DCLK2: variants seen among roughly 807,000 people sequenced by gnomAD.
DCLK2 encodes doublecortin like kinase 2, also known as serine/threonine-protein kinase DCLK2.
Under a neutral mutation model 78.4 loss-of-function variants are expected in DCLK2, and 31 were observed. That is an observed-to-expected ratio of 0.40 (90% CI 0.30 to 0.53). The LOEUF (loss-of-function observed/expected upper bound fraction) is 0.53, where lower values mean the gene tolerates loss of function less well. DCLK2 is among the 20% of genes least tolerant of loss of function. The pLI, the probability that DCLK2 is intolerant of heterozygous loss-of-function variation, is 0.61. For missense variants in DCLK2, 872 were observed against 973.7 expected, an observed-to-expected ratio of 0.90 and a Z score of 1.39; for synonymous variants, 407 against 374.9, an observed-to-expected ratio of 1.09 and a Z score of -0.99.
intron 2 of DCLK2, among the ~76,000 whole-genome samples, chr4:150,150,048 A>G (rs1734780248): frequency 6.6e-6 from 1 of 152,230 alleles, no homozygotes; most frequent in South Asian, 2.1e-4. Context: ...CTGACTTCTT[A>G]AAAATGGAGG....
chr4:150,201,306 G>A (rs920803265), intron 4 of DCLK2, among the ~76,000 whole-genome samples: 1 of 152,138 alleles, frequency 6.6e-6, no homozygotes, highest in Non-Finnish European at 1.5e-5. Flanking sequence ...GGCTGGCGGA[G>A]GCATACCTTC....
chr4:150,093,576 T>TTTGCCATG (rs556525557), intron 1 of DCLK2, among the ~76,000 whole-genome samples: 2 of 152,290 alleles, frequency 1.3e-5, no homozygotes, highest in South Asian at 4.1e-4. Context: ...GAGACAGAGT[T>TTTGCCATG]TTGCCATGTT....
At chr4:150,244,591 G>A (rs1176383451) in intron 12 of DCLK2, among the ~76,000 whole-genome samples, 1 of 152,168 alleles carries the variant, frequency 6.6e-6, no homozygotes, top group African/African-American at 2.4e-5. Flanking sequence ...TGGTCCAAAG[G>A]CTATATTGTT....
intron 2 of DCLK2, among the ~76,000 whole-genome samples, chr4:150,113,244 A>T (rs1040136079): frequency 1.3e-5 from 2 of 152,182 alleles, no homozygotes; most frequent in African/African-American, 4.8e-5. Context: ...GTATCAGGCT[A>T]GTACTGGGTT....
At chr4:150,214,338 T>C (rs554884589) in intron 5 of DCLK2, among the ~76,000 whole-genome samples, 17 of 152,340 alleles carry the variant, frequency 1.1e-4, no homozygotes, top group African/African-American at 4.1e-4. Flanking sequence ...ATTTTTGAAA[T>C]CTTCCTATGT....
intron 4 of DCLK2, among the ~76,000 whole-genome samples, chr4:150,203,412 A>G (rs1487401951): frequency 6.6e-6 from 1 of 152,230 alleles, no homozygotes; most frequent in Admixed American, 6.5e-5. Context: ...ACACCAAGAT[A>G]GTGGATATTG....
intron 2 of DCLK2, among the ~76,000 whole-genome samples, chr4:150,184,247 A>G (rs1737737529): frequency 6.6e-6 from 1 of 152,148 alleles, no homozygotes; most frequent in Non-Finnish European, 1.5e-5. Flanking sequence ...CTGGATTTGG[A>G]GGGGCTTTGA....
chr4:150,146,105 G>A (rs1174937457), intron 2 of DCLK2, among the ~76,000 whole-genome samples: 1 of 152,036 alleles, frequency 6.6e-6, no homozygotes, highest in South Asian at 2.1e-4. Context: ...TGATATTAAG[G>A]GCCCTTGACT....
At chr4:150,171,908 C>CT (rs1249003409) in intron 2 of DCLK2, among the ~76,000 whole-genome samples, 17 of 152,236 alleles carry the variant, frequency 1.1e-4, no homozygotes, top group Non-Finnish European at 2.1e-4. Context: ...GCCACTCTCT[C>CT]ATCTGACTGG....
chr4:150,189,134 G>GT (rs1413994052), intron 2 of DCLK2, among the ~76,000 whole-genome samples: 4 of 151,428 alleles, frequency 2.6e-5, no homozygotes, highest in Non-Finnish European at 5.9e-5. Flanking sequence ...ATTCAGATAT[G>GT]TTTTTTAAAA....
Position 150,232,829 on chromosome 4 carries a change from G to C in DCLK2, c.1566+1G>C. The C allele has an allele frequency of 6.2e-7, 1 of 1,610,696 alleles. No individual in the cohort carries two copies. Among genetic ancestry groups the C allele is most frequent in the Non-Finnish European group, 8.5e-7 (1 of 1,178,356 alleles). ...AGACATCAAACCAGAGAATCTCTTGGTATGTCATCCCTGCTTTTTCTGTTC... is the reference window on the plus strand; with the variant it reads ...AGACATCAAACCAGAGAATCTCTTGCTATGTCATCCCTGCTTTTTCTGTTC... On this transcript the variant is annotated splice_donor_variant, in intron 10 of 15. Transcript: ENST00000296550. LOFTEE classifies it high-confidence loss of function.
At chr4:150,169,525 C>T (rs1736352291) in intron 2 of DCLK2, among the ~76,000 whole-genome samples, 1 of 152,152 alleles carries the variant, frequency 6.6e-6, no homozygotes, top group Middle Eastern at 3.4e-3. Context: ...AGTGTGGTGG[C>T]AGGCACCTGT....
chr4:150,192,839 C>G (rs909464708), intron 2 of DCLK2, among the ~76,000 whole-genome samples: 2 of 152,130 alleles, frequency 1.3e-5, no homozygotes, highest in East Asian at 3.9e-4. Context: ...AGCTTCACCA[C>G]CCATCTGTGG....
intron 15 of DCLK2, among the ~76,000 whole-genome samples, chr4:150,251,796 T>C (rs1744174212): frequency 6.9e-6 from 1 of 145,858 alleles, no homozygotes; most frequent in Non-Finnish European, 1.5e-5. Context: ...AGCACTCTGT[T>C]ATATGGATTG....
At chr4:150,084,689 T>G (rs1729526249) in intron 1 of DCLK2, among the ~76,000 whole-genome samples, 1 of 152,144 alleles carries the variant, frequency 6.6e-6, no homozygotes, top group Non-Finnish European at 1.5e-5. Flanking sequence ...TCTAATGGGT[T>G]TTTAAACTAT....
chr4:150,146,204 C>T (rs1276227714), intron 2 of DCLK2, among the ~76,000 whole-genome samples: 1 of 152,140 alleles, frequency 6.6e-6, no homozygotes, highest in East Asian at 1.9e-4. Context: ...ATGTGTTTTA[C>T]TTATTTATTT....
rs1488061745 is a variant in DCLK2, at chr4:150,220,770, G to A, written c.1124G>A (p.Ser375Asn). 7 of 1,613,246 alleles carry A rather than the reference G, an allele frequency of 4.3e-6. 1 individual carries two copies. Among genetic ancestry groups the A allele is most frequent in the South Asian group, 3.3e-5 (3 of 90,908 alleles). The change falls in exon 6 of 16, where the codon AGT (serine) becomes AAT (asparagine). Residue 375 changes from serine to asparagine, a missense_variant. Physicochemically the swap from Ser to Asn is conservative, Grantham distance 46 (BLOSUM62 1). Coordinates refer to ENST00000296550, the MANE Select transcript of DCLK2 (RefSeq NM_001040260.4). The stretch of plus-strand genomic sequence containing the variant: ...GGACCTGAGCTTGACCGTTGCATAA[G>A]TCCTGAAGGTAGTTCTCAGTCTGAT... ...NGGPELDRCI[S>N]PEGVNGNRCS...
intron 5 of DCLK2, among the ~76,000 whole-genome samples, 180 bp from the exon 6 acceptor site, chr4:150,220,523 A>G (rs1465774673): frequency 6.6e-6 from 1 of 152,244 alleles, no homozygotes; most frequent in Non-Finnish European, 1.5e-5. Flanking sequence ...TGAAATATCT[A>G]AGGAAGAAAT....
At chr4:150,171,873 A>G (rs1736558455) in intron 2 of DCLK2, among the ~76,000 whole-genome samples, 1 of 152,256 alleles carries the variant, frequency 6.6e-6, no homozygotes, top group South Asian at 2.1e-4. Flanking sequence ...TTCTTTTCTA[A>G]GGAAGCTTTT....
Sources: allele counts gnomAD v4.1 joint callset (sites outside exome capture counted in the v4.1 genomes callset), GRCh38; gene constraint gnomAD v4.1.1; transcripts MANE v1.5; gene names NCBI Gene and HGNC (gene_info 2026-07-23, HGNC 2026-07-21).